LUZP2: variants seen among roughly 807,000 people sequenced by gnomAD.
LUZP2 encodes leucine zipper protein 2.
In LUZP2, 52 loss-of-function variants were observed where a neutral mutation model predicts 51.6. The observed-to-expected ratio is 1.01, with a 90% CI of 0.81 to 1.27. LUZP2 has a LOEUF of 1.27. Ranked by LOEUF, LUZP2 falls within the 50% of genes most tolerant of loss-of-function variation. The probability of loss-of-function intolerance (pLI) is 0.00; values close to 1 mark genes in which losing one functional copy is unlikely to be tolerated. For missense variants in LUZP2, 436 were observed against 395.4 expected, an observed-to-expected ratio of 1.10 and a Z score of -0.87; for synonymous variants, 154 against 137.3, an observed-to-expected ratio of 1.12 and a Z score of -0.85.
intron 9 of LUZP2, among the ~76,000 whole-genome samples, chr11:25,023,339 G>A (rs7942911): frequency 0.58 from 88,053 of 151,678 alleles, 26,646 homozygotes; most frequent in African/African-American, 0.76. Flanking sequence ...TGGTCTATTC[G>A]GGGATTCAAC....
At chr11:24,940,892 A>G (rs1371651012) in intron 7 of LUZP2, among the ~76,000 whole-genome samples, 1 of 152,118 alleles carries the variant, frequency 6.6e-6, no homozygotes, top group African/African-American at 2.4e-5. Flanking sequence ...TGAATCTACA[A>G]ACTAATAGGC....
intron 1 of LUZP2, among the ~76,000 whole-genome samples, chr11:24,711,029 T>C (rs1048215053): frequency 5.3e-5 from 8 of 151,924 alleles, no homozygotes; most frequent in Non-Finnish European, 7.4e-5. Flanking sequence ...CTGATATGCT[T>C]AATCAGCTTT....
intron 9 of LUZP2, among the ~76,000 whole-genome samples, chr11:25,020,881 G>T (rs1857314110): frequency 6.6e-6 from 1 of 152,000 alleles, no homozygotes; most frequent in Middle Eastern, 3.4e-3. Flanking sequence ...AGAATAATTT[G>T]GAATGTTATT....
At chr11:24,749,263 A>G (rs1364825157) in intron 4 of LUZP2, among the ~76,000 whole-genome samples, 1 of 152,170 alleles carries the variant, frequency 6.6e-6, no homozygotes, top group Non-Finnish European at 1.5e-5. Flanking sequence ...AAGATAAAAA[A>G]GGAGATGAGA....
intron 1 of LUZP2, among the ~76,000 whole-genome samples, chr11:24,589,341 A>G (rs1343552438): frequency 6.6e-6 from 1 of 152,140 alleles, no homozygotes; most frequent in African/African-American, 2.4e-5. Flanking sequence ...TGTGAGAATA[A>G]GTGATATGAT....
At chr11:25,022,919 G>T (rs889676425) in intron 9 of LUZP2, among the ~76,000 whole-genome samples, 6 of 152,050 alleles carry the variant, frequency 3.9e-5, no homozygotes, top group African/African-American at 1.4e-4. Flanking sequence ...TGTGATTTTT[G>T]TCTTTGGTTC....
intron 1 of LUZP2, among the ~76,000 whole-genome samples, chr11:24,668,401 A>G (rs983787783): frequency 9.2e-5 from 14 of 152,338 alleles, no homozygotes; most frequent in South Asian, 4.1e-4. Flanking sequence ...ATAGTTCCCC[A>G]TATAGTTTTA....
intron 1 of LUZP2, among the ~76,000 whole-genome samples, chr11:24,637,040 G>T (rs1033440935): frequency 6.6e-6 from 1 of 151,504 alleles, no homozygotes; most frequent in African/African-American, 2.4e-5. Flanking sequence ...TTTAAAAAGG[G>T]AAAATCTTGA....
intron 7 of LUZP2, among the ~76,000 whole-genome samples, chr11:24,963,763 C>T (rs1855494595): frequency 6.6e-6 from 1 of 152,112 alleles, no homozygotes; most frequent in African/African-American, 2.4e-5. Context: ...GCACGGTGCG[C>T]TGCATCCACT....
intron 7 of LUZP2, among the ~76,000 whole-genome samples, chr11:24,968,397 A>T (rs1394346809): frequency 6.6e-6 from 1 of 152,136 alleles, no homozygotes; most frequent in East Asian, 1.9e-4. Context: ...AGTAAGCAAG[A>T]TTTTGACTGT....
At chr11:24,787,598 CTA>C (rs1208712692) in intron 5 of LUZP2, among the ~76,000 whole-genome samples, 1 of 152,084 alleles carries the variant, frequency 6.6e-6, no homozygotes, top group Non-Finnish European at 1.5e-5. Context: ...TCTATTTCTG[CTA>C]TGTTTGTTTT....
At chr11:24,634,482 A>T (rs1855006186) in intron 1 of LUZP2, among the ~76,000 whole-genome samples, 1 of 152,086 alleles carries the variant, frequency 6.6e-6, no homozygotes, top group African/African-American at 2.4e-5. Context: ...GCTATCGATA[A>T]CACAGAGAGA....
intron 9 of LUZP2, among the ~76,000 whole-genome samples, chr11:25,007,002 A>G (rs1302188611): frequency 1.3e-5 from 2 of 152,064 alleles, no homozygotes; most frequent in Non-Finnish European, 2.9e-5. Context: ...TGATTGGTCT[A>G]TTTTACAGAG....
intron 7 of LUZP2, among the ~76,000 whole-genome samples, chr11:24,936,597 C>T (rs1397605301): frequency 6.6e-6 from 1 of 151,492 alleles, no homozygotes; most frequent in Non-Finnish European, 1.5e-5. Flanking sequence ...CATTCCTGAT[C>T]GTAGCTGTTT....
intron 6 of LUZP2, among the ~76,000 whole-genome samples, chr11:24,906,377 T>C (rs571438403): frequency 4.4e-4 from 67 of 152,054 alleles, no homozygotes; most frequent in African/African-American, 1.2e-3. Flanking sequence ...CTTTTTTTTT[T>C]CCCCTCTCTT....
intron 5 of LUZP2, among the ~76,000 whole-genome samples, chr11:24,856,219 C>A (rs2134234396): frequency 6.6e-6 from 1 of 152,032 alleles, no homozygotes; most frequent in Middle Eastern, 3.4e-3. Context: ...TGACTAATGT[C>A]TAGAATTTAC....
chr11:24,828,558 G>GAAA (rs57464249), intron 5 of LUZP2, among the ~76,000 whole-genome samples: 10 of 135,004 alleles, frequency 7.4e-5, no homozygotes, highest in South Asian at 2.5e-4. Context: ...CCCTGTGGCA[G>GAAA]AAAAAAAAAA....
At chr11:24,846,709 A>G (rs1239351845) in intron 5 of LUZP2, among the ~76,000 whole-genome samples, 2 of 152,080 alleles carry the variant, frequency 1.3e-5, no homozygotes, top group Non-Finnish European at 2.9e-5. Context: ...AACAATTACT[A>G]TATTATCAAG....
At chr11:24,929,701 T>G (rs1461047931) in intron 7 of LUZP2, among the ~76,000 whole-genome samples, 1 of 152,136 alleles carries the variant, frequency 6.6e-6, no homozygotes, top group Non-Finnish European at 1.5e-5. Context: ...CTGCAATGGT[T>G]TGGTACAATG....
Sources: allele counts gnomAD v4.1 joint callset (sites outside exome capture counted in the v4.1 genomes callset), GRCh38; gene constraint gnomAD v4.1.1; transcripts MANE v1.5; gene names NCBI Gene and HGNC (gene_info 2026-07-23, HGNC 2026-07-21).